DLG2: variants seen among roughly 807,000 people sequenced by gnomAD.
DLG2 encodes disks large homolog 2.
A neutral mutation model predicts 132.5 loss-of-function variants in DLG2; 45 were observed. That is an observed-to-expected ratio of 0.34 (90% CI 0.27 to 0.44). The LOEUF is 0.44. Ranked by LOEUF, DLG2 falls within the 20% of genes least tolerant of loss-of-function variation. DLG2 has a pLI of 1.00. For missense variants in DLG2, 1,045 were observed against 1,196.9 expected (o/e 0.87, Z 1.87); for synonymous variants, 424 against 419.6 (o/e 1.01, Z -0.13).
intron 6 of DLG2, among the ~76,000 whole-genome samples, chr11:85,000,820 A>G (rs2058140545): frequency 6.6e-6 from 1 of 152,158 alleles, no homozygotes; most frequent in East Asian, 1.9e-4. Context: ...AATATTTTGA[A>G]GAATAAATTA....
intron 6 of DLG2, among the ~76,000 whole-genome samples, chr11:84,879,001 T>A (rs1051160599): frequency 6.6e-6 from 1 of 152,178 alleles, no homozygotes; most frequent in African/African-American, 2.4e-5. Flanking sequence ...ATGAAATTGC[T>A]AGATCTTCTC....
intron 7 of DLG2, among the ~76,000 whole-genome samples, chr11:84,313,689 A>AAAGAAAGAAAG (rs1567261581): frequency 9.6e-5 from 9 of 93,342 alleles, no homozygotes; most frequent in South Asian, 6.3e-4. Flanking sequence ...AAGAAAGAAA[A>AAAGAAAGAAAG]AGAAAGAGGA....
At chr11:84,866,219 CA>C (rs2084536221) in intron 6 of DLG2, among the ~76,000 whole-genome samples, 1 of 152,062 alleles carries the variant, frequency 6.6e-6, no homozygotes, top group African/African-American at 2.4e-5. Context: ...ACAGGAGCAG[CA>C]TCAAAGCCAA....
At chr11:85,117,643 TA>T (rs1329852719) in intron 5 of DLG2, among the ~76,000 whole-genome samples, 53 of 117,800 alleles carry the variant, frequency 4.5e-4, no homozygotes, top group Admixed American at 7.5e-4. Context: ...TAAATAGGAA[TA>T]AAAAAAAAAA....
At chr11:83,850,890 T>G (rs907295741) in intron 16 of DLG2, among the ~76,000 whole-genome samples, 3 of 151,986 alleles carry the variant, frequency 2.0e-5, no homozygotes, top group Non-Finnish European at 2.9e-5. Flanking sequence ...CTAAAGAAAT[T>G]TTGAGGCCGG....
intron 7 of DLG2, among the ~76,000 whole-genome samples, chr11:84,430,025 A>G (rs1453139157): frequency 1.3e-5 from 2 of 152,216 alleles, no homozygotes; most frequent in Non-Finnish European, 2.9e-5. Context: ...AACATAAAAT[A>G]TGAGTTGGGG....
chr11:85,229,305 C>A (rs922150765), intron 4 of DLG2, among the ~76,000 whole-genome samples: 2 of 151,696 alleles, frequency 1.3e-5, no homozygotes, highest in Non-Finnish European at 2.9e-5. Flanking sequence ...AGAAAAAAAA[C>A]CACCCCATCA....
At chr11:84,661,296 G>C (rs1220853115) in intron 6 of DLG2, among the ~76,000 whole-genome samples, 2 of 152,150 alleles carry the variant, frequency 1.3e-5, no homozygotes, top group Non-Finnish European at 2.9e-5. Flanking sequence ...GAAAGCATCA[G>C]AAGTATTTGC....
intron 8 of DLG2, among the ~76,000 whole-genome samples, chr11:84,212,002 C>T (rs2154311576): frequency 1.3e-5 from 2 of 152,258 alleles, no homozygotes; most frequent in South Asian, 4.1e-4. Flanking sequence ...TGCATATAAA[C>T]AGTTATGCCA....
At chr11:85,121,321 CACTT>C (rs1450604851) in intron 5 of DLG2, among the ~76,000 whole-genome samples, 1 of 151,244 alleles carries the variant, frequency 6.6e-6, no homozygotes, top group African/African-American at 2.4e-5. Context: ...CTTTCTAACT[CACTT>C]TAATGTTTTC....
chr11:84,505,907 G>A (rs1228297354), intron 7 of DLG2, among the ~76,000 whole-genome samples: 1 of 151,888 alleles, frequency 6.6e-6, no homozygotes, highest in East Asian at 1.9e-4. Flanking sequence ...GCCGAAGAAA[G>A]TTCCCCTAAA....
At chr11:84,641,977 G>A (rs1422302653) in intron 6 of DLG2, among the ~76,000 whole-genome samples, 1 of 146,640 alleles carries the variant, frequency 6.8e-6, no homozygotes, top group Non-Finnish European at 1.5e-5. Flanking sequence ...ATATATGTAT[G>A]CATGTGTGTA....
At chr11:85,091,986 A>G (rs1224066848) in intron 6 of DLG2, among the ~76,000 whole-genome samples, 1 of 152,186 alleles carries the variant, frequency 6.6e-6, no homozygotes, top group Non-Finnish European at 1.5e-5. Context: ...AATGTTTTCA[A>G]TTTACTTTGC....
At chr11:83,610,736 T>C (rs982238947) in intron 19 of DLG2, among the ~76,000 whole-genome samples, 3 of 152,180 alleles carry the variant, frequency 2.0e-5, no homozygotes, top group Admixed American at 6.5e-5. Flanking sequence ...ACATATAGAC[T>C]GAACACTATG....
chr11:83,507,547 G>C (rs1391276559), intron 21 of DLG2, among the ~76,000 whole-genome samples: 2 of 140,602 alleles, frequency 1.4e-5, no homozygotes, highest in Non-Finnish European at 3.1e-5. Context: ...ATATCCTAAA[G>C]ATATATATCC....
At chr11:83,839,164 T>C (rs1258982300) in intron 16 of DLG2, among the ~76,000 whole-genome samples, 2 of 152,182 alleles carry the variant, frequency 1.3e-5, no homozygotes, top group African/African-American at 4.8e-5. Context: ...TTATTTTACC[T>C]GGACCCCATT....
intron 3 of DLG2, among the ~76,000 whole-genome samples, chr11:85,315,217 GC>G (rs963805311): frequency 6.6e-6 from 1 of 152,124 alleles, no homozygotes; most frequent in African/African-American, 2.4e-5. Flanking sequence ...TTCCCCATGT[GC>G]TTTTTACCTC....
intron 19 of DLG2, among the ~76,000 whole-genome samples, chr11:83,548,800 A>C (rs932615630): frequency 6.6e-6 from 1 of 152,192 alleles, no homozygotes; most frequent in African/African-American, 2.4e-5. Flanking sequence ...GATACAGAAG[A>C]AGCAGCCTTT....
At chr11:85,170,990 C>T (rs938810958) in intron 4 of DLG2, among the ~76,000 whole-genome samples, 1 of 150,062 alleles carries the variant, frequency 6.7e-6, no homozygotes, top group African/African-American at 2.4e-5. Context: ...AAAATGTCAA[C>T]AAATACACGT....
Sources: gnomAD v4.1 joint callset for allele counts (sites outside exome capture counted in the v4.1 genomes callset) on GRCh38, gnomAD v4.1.1 for gene constraint, MANE v1.5 for transcripts, NCBI Gene and HGNC (gene_info 2026-07-23, HGNC 2026-07-21) for gene names.